The following GRIA3 variants were observed in gnomAD, a reference collection of about 807,000 sequenced individuals.
GRIA3 encodes glutamate ionotropic receptor AMPA type subunit 3.
GRIA3 carries 3 observed loss-of-function variants against 63.0 expected under a neutral mutation model. The observed-to-expected ratio is 0.05, with a 90% CI of 0.02 to 0.12. The LOEUF (loss-of-function observed/expected upper bound fraction) is 0.12. GRIA3 is among the 10% of genes least tolerant of loss of function. GRIA3 has a pLI of 1.00. For synonymous variants in GRIA3, 274 were observed against 257.9 expected (o/e 1.06, Z -0.60); for missense variants, 347 against 700.9 (o/e 0.50, Z 5.70).
intron 5 of GRIA3, among the ~76,000 whole-genome samples, chrX:123,387,170 G>T (rs1029954689): frequency 1.8e-5 from 2 of 110,935 alleles, no homozygotes; most frequent in Non-Finnish European, 3.8e-5. Flanking sequence ...CACCTCCTTG[G>T]TTAAGTTTAT....
intron 3 of GRIA3, among the ~76,000 whole-genome samples, chrX:123,317,739 G>T (rs889142889): frequency 2.7e-5 from 3 of 111,966 alleles, no homozygotes; most frequent in African/African-American, 9.7e-5. Flanking sequence ...AGTGTCTGCG[G>T]CTTTTCCAGG....
chrX:123,254,658 T>C (rs1458342435), intron 3 of GRIA3, among the ~76,000 whole-genome samples: 3 of 112,100 alleles, frequency 2.7e-5, no homozygotes, highest in Non-Finnish European at 5.6e-5. Context: ...TTTTGCTGCA[T>C]CATCAAATCT....
chrX:123,428,260 C>T (rs1390619779), intron 12 of GRIA3, 121 bp downstream of exon 12: 5 of 540,158 alleles, frequency 9.3e-6, no homozygotes, highest in Admixed American at 2.5e-5. Flanking sequence ...CAAAGGAGAG[C>T]ATCTTAAATA....
intron 2 of GRIA3, among the ~76,000 whole-genome samples, chrX:123,243,879 T>C (rs1201135079): frequency 2.7e-5 from 3 of 111,780 alleles, no homozygotes; most frequent in African/African-American, 6.5e-5. Context: ...ATTATCTCGA[T>C]ATAAAAGGGC....
intron 5 of GRIA3, among the ~76,000 whole-genome samples, chrX:123,374,015 C>G (rs961838518): frequency 5.4e-5 from 6 of 111,751 alleles, no homozygotes; most frequent in Non-Finnish European, 1.1e-4. Context: ...TTTAATCCAT[C>G]TCGAATTAAT....
rs757633317 is a variant in GRIA3, at chrX:123,326,467, C to T, written c.696+254C>T. 7.2e-5 allele frequency among the ~76,000 whole-genome samples: 8 copies of T among 111,457 alleles called. No homozygotes were observed. The South Asian group carries it at 3.0e-3, about 42-fold the overall frequency. On this transcript the variant is annotated intron_variant, in intron 4 of 15. Coordinates refer to ENST00000620443, the MANE Select transcript of GRIA3 (RefSeq NM_007325.5). ...ATCTGGAAGTATTTGCAATTTAATG[C>T]TACCTATCAGATAAACATATCCCTC...
In GRIA3 at chrX:123,204,314, A is replaced by G. The variant is rs1927824072; in HGVS notation, c.268+18324A>G. Reference sequence around the variant, plus strand: ...CTGTGGGCATCCTGCAGGGAGGCTGACAGAAAGGGAAGTTCCAAAAGGTGA... The same window carrying G: ...CTGTGGGCATCCTGCAGGGAGGCTGGCAGAAAGGGAAGTTCCAAAAGGTGA... On this transcript the variant is annotated intron_variant, in intron 2 of 15. Transcript: ENST00000620443. 8 of 785,689 alleles carry G rather than the reference A, an allele frequency of 1.0e-5. No individual in the cohort carries two copies. The South Asian group carries it at 1.6e-4, about 15-fold the overall frequency. The allele number at this position is 785,689 out of a possible 1,213,427, so 64.7% of individuals were successfully genotyped here.
intron 6 of GRIA3, among the ~76,000 whole-genome samples, chrX:123,396,599 G>A (rs1171689048): frequency 9.0e-6 from 1 of 111,511 alleles, no homozygotes; most frequent in Non-Finnish European, 1.9e-5. Context: ...AATTTTTAAT[G>A]TACTAAACTG....
chrX:123,260,508 GAA>G (rs1473431960), intron 3 of GRIA3, among the ~76,000 whole-genome samples: 1 of 52,629 alleles, frequency 1.9e-5, no homozygotes, highest in African/African-American at 6.4e-5. Context: ...AAGAAAGAAA[GAA>G]AGAAAGAAAG....
intron 2 of GRIA3, among the ~76,000 whole-genome samples, chrX:123,230,475 T>C (rs1282602737): frequency 9.0e-6 from 1 of 111,300 alleles, no homozygotes; most frequent in Non-Finnish European, 1.9e-5. Flanking sequence ...CAACCTAAAA[T>C]GGTTTGGTAG....
chrX:123,253,704 T>C (rs1287588895), intron 3 of GRIA3, 162 bp downstream of exon 3: 1 of 515,041 alleles, frequency 1.9e-6, no homozygotes, highest in Non-Finnish European at 3.1e-6. Context: ...AAAATAAAAG[T>C]AATAGTAATT....
intron 12 of GRIA3, among the ~76,000 whole-genome samples, chrX:123,431,987 C>G (rs192673831): frequency 2.6e-4 from 29 of 111,377 alleles, no homozygotes; most frequent in African/African-American, 8.5e-4. Flanking sequence ...TACTTCAACT[C>G]TATTATTTCC....
intron 10 of GRIA3, among the ~76,000 whole-genome samples, chrX:123,415,167 A>T (rs2045530035): frequency 8.9e-6 from 1 of 111,797 alleles, no homozygotes. Flanking sequence ...TTCTCTGACG[A>T]CCAGTGATGA....
chrX:123,236,427 A>T (rs1238799349), intron 2 of GRIA3, among the ~76,000 whole-genome samples: 6 of 111,655 alleles, frequency 5.4e-5, no homozygotes, highest in Non-Finnish European at 1.1e-4. Flanking sequence ...ACTAGGTCCC[A>T]GTTGTGCACA....
At chrX:123,242,545 A>G (rs1416349079) in intron 2 of GRIA3, among the ~76,000 whole-genome samples, 5 of 112,394 alleles carry the variant, frequency 4.4e-5, no homozygotes, top group African/African-American at 1.6e-4. Context: ...TGACTACTTT[A>G]GATGATTGAT....
intron 15 of GRIA3, among the ~76,000 whole-genome samples, chrX:123,488,089 G>C (rs949648755): frequency 8.9e-6 from 1 of 111,965 alleles, no homozygotes; most frequent in Non-Finnish European, 1.9e-5. Context: ...CCTCCAAAAA[G>C]AAGACACTAT....
intron 5 of GRIA3, among the ~76,000 whole-genome samples, chrX:123,379,620 G>GTTTTTTTTT (rs369507360): frequency 1.5e-5 from 1 of 68,015 alleles, no homozygotes; most frequent in Admixed American, 2.0e-4. Flanking sequence ...CTAGCAACTT[G>GTTTTTTTTT]TTTTTTTTTT....
At chrX:123,351,808 T>C (rs2045096280) in intron 4 of GRIA3, among the ~76,000 whole-genome samples, 1 of 112,355 alleles carries the variant, frequency 8.9e-6, no homozygotes, top group Non-Finnish European at 1.9e-5. Flanking sequence ...GAGGAATTAA[T>C]TATGGGCTTC....
intron 5 of GRIA3, among the ~76,000 whole-genome samples, chrX:123,377,178 C>T (rs1380878435): frequency 9.0e-6 from 1 of 110,745 alleles, no homozygotes; most frequent in African/African-American, 3.3e-5. Context: ...CCTTGTGATC[C>T]GCCCGCCTCG....
Sources: gnomAD v4.1 joint callset for allele counts (sites outside exome capture counted in the v4.1 genomes callset) on GRCh38, gnomAD v4.1.1 for gene constraint, MANE v1.5 for transcripts, NCBI Gene and HGNC (gene_info 2026-07-23, HGNC 2026-07-21) for gene names.